Variants in MYH14 observed in about 807,000 individuals in gnomAD.
The protein encoded by MYH14 is myosin-14.
MYH14 carries 123 observed loss-of-function variants against 255.5 expected under a neutral mutation model. The observed-to-expected ratio is 0.48, with a 90% CI of 0.42 to 0.56. The LOEUF is 0.56. MYH14 is among the 20% of genes least tolerant of loss of function. The pLI is 0.00. For synonymous variants in MYH14, 1,095 were observed against 1,161.2 expected, an observed-to-expected ratio of 0.94 and a Z score of 1.16; for missense variants, 2,423 against 2,802.3, an observed-to-expected ratio of 0.86 and a Z score of 3.06.
At chr19:50,279,830 G>A (rs920143357) in intron 30 of MYH14, among the ~76,000 whole-genome samples, 3 of 152,204 alleles carry the variant, frequency 2.0e-5, no homozygotes, top group South Asian at 2.1e-4. Context: ...AGACCTATGC[G>A]TTCATTTCTT....
chr19:50,287,606 T>C (rs1450092719), intron 34 of MYH14, among the ~76,000 whole-genome samples: 1 of 151,954 alleles, frequency 6.6e-6, no homozygotes, highest in Non-Finnish European at 1.5e-5. Flanking sequence ...GGAGATGGGG[T>C]CTTGCTGTGT....
At chr19:50,301,615 CCT>C (rs755094218) in intron 39 of MYH14, 44 bp from the exon 40 acceptor site, 1 of 1,513,338 alleles carries the variant, frequency 6.6e-7, no homozygotes, top group South Asian at 1.1e-5. Context: ...TACCACCTTC[CCT>C]CTGAGACTCC....
Position 50,276,280 on chromosome 19 carries a change from T to G in MYH14, c.3680+77T>G. On this transcript the variant is annotated intron_variant, in intron 28 of 42. Coordinates refer to ENST00000642316, the MANE Select transcript of MYH14 (RefSeq NM_001145809.2). This position sits in a 1 kb window ranked among gnomAD's most constrained non-coding sequence, Gnocchi z 4.3. Reference sequence around the variant, plus strand: ...GGGAAGGACTTAGGTACAAAGTCTCTGTCTATACAGAGGCTTACTTATTGT... The same window carrying G: ...GGGAAGGACTTAGGTACAAAGTCTCGGTCTATACAGAGGCTTACTTATTGT... The G allele has an allele frequency of 5.3e-6, 6 of 1,142,282 alleles. No homozygotes were observed. The highest frequency in any genetic ancestry group is 7.3e-6 in the Non-Finnish European group (6 of 823,418). The allele number at this position is 1,142,282 out of a possible 1,614,324, so 70.8% of individuals were successfully genotyped here.
Position 50,293,420 on chromosome 19 carries a change from A to G in MYH14, c.5345+99A>G. On this transcript the variant is annotated intron_variant, in intron 38 of 42. Coordinates refer to ENST00000642316, the MANE Select transcript of MYH14 (RefSeq NM_001145809.2). The surrounding 1 kb of genome is among the most constrained non-coding windows in gnomAD (Gnocchi z 4.1). Reference sequence around the variant, plus strand: ...CTGGGCTCTGGGACAGGAAACTGGGAGGTGGGCGGGGTTAACCTCGGGGCC... The same window carrying G: ...CTGGGCTCTGGGACAGGAAACTGGGGGGTGGGCGGGGTTAACCTCGGGGCC... The G allele has an allele frequency of 6.6e-7, 1 of 1,512,110 alleles. No homozygotes were observed. Among genetic ancestry groups the G allele is most frequent in the Non-Finnish European group, 9.0e-7 (1 of 1,109,730 alleles). 93.7% of individuals were successfully genotyped at this position (1,512,110 alleles called of 1,614,324 possible).
intron 40 of MYH14, among the ~76,000 whole-genome samples, chr19:50,306,814 A>T (rs79874664): frequency 7.2e-4 from 110 of 152,362 alleles, no homozygotes; most frequent in African/African-American, 2.5e-3. Context: ...AACTCACAAC[A>T]TCATAGGAAA....
intron 14 of MYH14, among the ~76,000 whole-genome samples, 153 bp downstream of exon 14, chr19:50,249,976 T>G (rs1203801010): frequency 6.6e-6 from 1 of 152,254 alleles, no homozygotes; most frequent in African/African-American, 2.4e-5. Context: ...CTCGATCTTT[T>G]GTGACCATAG....
intron 1 of MYH14, among the ~76,000 whole-genome samples, chr19:50,206,443 G>A (rs76927617): frequency 0.014 from 2,143 of 151,720 alleles, 18 homozygotes; most frequent in Middle Eastern, 0.024. Flanking sequence ...TGAGGGTAAA[G>A]TCCCAGGGAT....
rs1341445506 is a variant in MYH14 at position 50,221,323 on chromosome 19, C to T, written c.563-1760C>T. On this transcript the variant is annotated intron_variant, in intron 3 of 42. Transcript: ENST00000642316. The surrounding 1 kb of genome is among the most constrained non-coding windows in gnomAD (Gnocchi z 5.3). ...TCACGCAGCAAGTCAGAGAGGCAGC[C>T]GGGCGGTGAACCTGTGTGCATATAG... Among the ~76,000 whole-genome samples the T allele has an allele frequency of 1.3e-5, 2 of 152,042 alleles. No individual in the cohort carries two copies. Among genetic ancestry groups the T allele is most frequent in the African/African-American group, 2.4e-5 (1 of 41,390 alleles).
At chr19:50,279,328 A>G (rs1301930621) in intron 30 of MYH14, among the ~76,000 whole-genome samples, 1 of 151,950 alleles carries the variant, frequency 6.6e-6, no homozygotes, top group African/African-American at 2.4e-5. Flanking sequence ...TTCCTTTTTT[A>G]TTTTTTAATT....
intron 40 of MYH14, among the ~76,000 whole-genome samples, chr19:50,305,332 G>A (rs908883015): frequency 3.9e-5 from 6 of 152,242 alleles, no homozygotes; most frequent in East Asian, 1.9e-4. Context: ...GGAATGAAGC[G>A]GAGGCTATGG....
In MYH14 at chr19:50,252,752, C is replaced by A; in HGVS notation, c.1944C>A (p.Asp648Glu). The A allele has an allele frequency of 5.7e-6, 9 of 1,576,592 alleles. No individual in the cohort carries two copies. The highest frequency in any genetic ancestry group is 7.8e-6 in the Non-Finnish European group (9 of 1,160,724). ...GGCTGACGGCAGAGATCTGGAAAGACGGTGAGGACCCACTTCCCCCACCCC... is the reference window on the plus strand; with the variant it reads ...GGCTGACGGCAGAGATCTGGAAAGAAGGTGAGGACCCACTTCCCCCACCCC... Reference protein sequence around the residue: ...TDRLTAEIWKDEHGGFQQFSF... With the variant: ...TDRLTAEIWKEEHGGFQQFSF... The change falls in exon 16 of 43, where the codon GAC (aspartate) becomes GAA (glutamate). Residue 648 changes from aspartate to glutamate, a missense_variant and splice_region_variant. Coordinates refer to ENST00000642316, the MANE Select transcript of MYH14 (RefSeq NM_001145809.2). This position sits in a 1 kb window ranked among gnomAD's most constrained non-coding sequence, Gnocchi z 4.2.
At position 50,310,075 on chromosome 19, in the gene MYH14, T is replaced by A. The variant is rs2036807254; in HGVS notation, c.*285T>A. 3.7e-6 allele frequency: 2 copies of A among 536,074 alleles called. No homozygotes were observed. The highest frequency in any genetic ancestry group is 1.9e-5 in the African/African-American group (1 of 52,082). The allele number at this position is 536,074 out of a possible 1,614,324, so 33.2% of individuals were successfully genotyped here. ...AAGCTGTGTTTCCATCAGCTCCCTG[T>A]CCTCCTTTCTTCCCTCGTTATTGAT... On this transcript the variant is annotated 3_prime_UTR_variant, in exon 43 of 43. Transcript: ENST00000642316.
At chr19:50,259,121 G>A (rs1245648082) in intron 18 of MYH14, 23 bp from the exon 19 acceptor site, 4 of 1,541,970 alleles carry the variant, frequency 2.6e-6, no homozygotes, top group Non-Finnish European at 2.6e-6. Flanking sequence ...GCTGACCCCC[G>A]CGTGTCCGTC....
At position 50,281,880 on chromosome 19, in the gene MYH14, A is replaced by G. The variant is rs1471592535; in HGVS notation, c.4539+38A>G. 5.6e-6 allele frequency: 9 copies of G among 1,597,140 alleles called. 1 individual carries two copies. Among genetic ancestry groups the G allele is most frequent in the Admixed American group, 3.4e-5 (2 of 59,400 alleles). Reference sequence around the variant, plus strand: ...AGTTCACCCAGCCGGGGAATCAGCAAGTCCATCTACGCTTCCCATGGTCGT... The same window carrying G: ...AGTTCACCCAGCCGGGGAATCAGCAGGTCCATCTACGCTTCCCATGGTCGT... On this transcript the variant is annotated intron_variant, in intron 33 of 42. Coordinates refer to ENST00000642316, the MANE Select transcript of MYH14 (RefSeq NM_001145809.2).
rs978924564 is a variant in MYH14 at position 50,250,390 on chromosome 19, C to T, written c.1657-125C>T. 1.3e-5 allele frequency: 13 copies of T among 992,278 alleles called. No individual in the cohort carries two copies. Among genetic ancestry groups the T allele is most frequent in the South Asian group, 1.1e-4 (7 of 65,500 alleles). The allele number at this position is 992,278 out of a possible 1,614,324, so 61.5% of individuals were successfully genotyped here. A position where few individuals can be genotyped will look rare whatever the true frequency, so the allele number is the denominator to read the frequency against. Reference sequence around the variant, plus strand: ...TGCTGGGATTACAGGCGTGAGCCACCGTGCCTGGCATCTCACGTTTGTTTT... The same window carrying T: ...TGCTGGGATTACAGGCGTGAGCCACTGTGCCTGGCATCTCACGTTTGTTTT... On this transcript the variant is annotated intron_variant, in intron 14 of 42. Coordinates refer to ENST00000642316, the MANE Select transcript of MYH14 (RefSeq NM_001145809.2). The surrounding 1 kb of genome is among the most constrained non-coding windows in gnomAD (Gnocchi z 5.4).
rs1344644919 is a variant in MYH14 at position 50,230,156 on chromosome 19, G to C, written c.875-369G>C. Among the ~76,000 whole-genome samples the C allele has an allele frequency of 6.6e-6, 1 of 152,142 alleles. No individual in the cohort carries two copies. The highest frequency in any genetic ancestry group is 2.4e-5 in the African/African-American group (1 of 41,418). ...TTGAACTCCTGACCTCAGGTGATCC[G>C]CCTGCCTTGGCTTTCCAAAGTGTTG... On this transcript the variant is annotated intron_variant, in intron 8 of 42. Transcript: ENST00000642316. This position sits in a 1 kb window ranked among gnomAD's most constrained non-coding sequence, Gnocchi z 4.7.
chr19:50,292,182 T>C, intron 36 of MYH14, 79 bp from the exon 37 acceptor site: 3 of 1,411,224 alleles, frequency 2.1e-6, no homozygotes, highest in Non-Finnish European at 2.8e-6. Flanking sequence ...AGGAGCCCCG[T>C]CGGTCTGGCA....
In MYH14 at chr19:50,210,523, G is replaced by C. The variant is rs751476713; in HGVS notation, c.158G>C (p.Arg53Pro). ...GTSPQVEWTA[R>P]RLVWVPSELH... ...TCCCCGCAGGTGGAGTGGACGGCCC[G>C]GCGTCTCGTGTGGGTGCCTTCGGAG... Residue 53 changes from arginine to proline, a missense_variant, in exon 2 of 43, where the codon CGG becomes CCG. Transcript: ENST00000642316. 1 of 1,574,856 alleles carries C rather than the reference G, an allele frequency of 6.3e-7. No individual in the cohort carries two copies. Among genetic ancestry groups the C allele is most frequent in the East Asian group, 2.4e-5 (1 of 42,316 alleles).
At chr19:50,229,070 C>G (rs1471411590) in intron 8 of MYH14, among the ~76,000 whole-genome samples, 1 of 152,174 alleles carries the variant, frequency 6.6e-6, no homozygotes, top group African/African-American at 2.4e-5. Context: ...GCTGCTATCA[C>G]CCCCGCTTCA....
Sources: allele counts gnomAD v4.1 joint callset (sites outside exome capture counted in the v4.1 genomes callset), GRCh38; gene constraint gnomAD v4.1.1; non-coding constraint Gnocchi (gnomAD v3.1); transcripts MANE v1.5; gene names NCBI Gene and HGNC (gene_info 2026-07-23, HGNC 2026-07-21).